The following RALB variants were observed in gnomAD, a reference collection of about 807,000 sequenced individuals.
The protein encoded by RALB is RAS like proto-oncogene B.
A neutral mutation model predicts 21.3 loss-of-function variants in RALB; 16 were observed. That is an observed-to-expected ratio of 0.75 (90% CI 0.51 to 1.14). RALB has a LOEUF of 1.14. Among genes scored for constraint, RALB ranks in the 50% most tolerant of loss-of-function variants. RALB has a pLI of 0.00. For synonymous variants in RALB, 93 were observed against 96.1 expected (o/e 0.97, Z 0.19); for missense variants, 161 against 256.2 (o/e 0.63, Z 2.54).
intron 1 of RALB, among the ~76,000 whole-genome samples, chr2:120,244,616 TCATCCATC>T (rs60555914): frequency 6.6e-6 from 1 of 151,942 alleles, no homozygotes; most frequent in Non-Finnish European, 1.5e-5. Context: ...AGCCATTCCC[TCATCCATC>T]CATCCATCCA....
chr2:120,266,844 C>G (rs1689516229), intron 1 of RALB, among the ~76,000 whole-genome samples: 1 of 152,198 alleles, frequency 6.6e-6, no homozygotes, highest in Non-Finnish European at 1.5e-5. Context: ...ACCAGGCACA[C>G]TGGGCACACA....
At chr2:120,278,330 T>A (rs1689897875) in intron 1 of RALB, among the ~76,000 whole-genome samples, 1 of 111,674 alleles carries the variant, frequency 9.0e-6, no homozygotes. Context: ...CTGCTGAGGG[T>A]CTGATGATTT....
chr2:120,268,508 G>C (rs1689560992), intron 1 of RALB, among the ~76,000 whole-genome samples: 1 of 152,188 alleles, frequency 6.6e-6, no homozygotes, highest in Admixed American at 6.5e-5. Flanking sequence ...CCGACCAGAT[G>C]CCATGGCTTA....
intron 1 of RALB, among the ~76,000 whole-genome samples, chr2:120,259,133 T>G (rs1279471337): frequency 6.6e-6 from 1 of 152,162 alleles, no homozygotes; most frequent in Non-Finnish European, 1.5e-5. Context: ...AAAAGCAGCG[T>G]GGACCCAAAG....
chr2:120,253,150 C>A (rs928870135), intron 1 of RALB, 170 bp downstream of exon 1: 4 of 379,992 alleles, frequency 1.1e-5, no homozygotes, highest in Non-Finnish European at 1.4e-5. Context: ...GCAGCGGCCC[C>A]GCTCCGCTCC....
upstream of RALB, among the ~76,000 whole-genome samples, chr2:120,248,494 A>G (rs2104569890): frequency 6.6e-6 from 1 of 152,070 alleles, no homozygotes; most frequent in East Asian, 1.9e-4. Flanking sequence ...AGCTCTCTTC[A>G]GCTCTCTTGC....
chr2:120,288,806 G>T (rs762889119), intron 3 of RALB, among the ~76,000 whole-genome samples: 7 of 151,946 alleles, frequency 4.6e-5, no homozygotes, highest in Admixed American at 4.6e-4. Flanking sequence ...TCACTTTGTA[G>T]TAGAAAAATG....
intron 1 of RALB, among the ~76,000 whole-genome samples, chr2:120,267,801 AT>A (rs555072307): frequency 6.6e-6 from 1 of 151,882 alleles, no homozygotes; most frequent in East Asian, 1.9e-4. Flanking sequence ...ATATATATAT[AT>A]TTTTTTCCAG....
chr2:120,242,836 G>T (rs566558671), intron 1 of RALB, among the ~76,000 whole-genome samples: 2 of 152,218 alleles, frequency 1.3e-5, no homozygotes. Flanking sequence ...AGCACTTTGG[G>T]AGGCCGAGGT....
intron 3 of RALB, among the ~76,000 whole-genome samples, chr2:120,289,000 G>A (rs1460620422): frequency 6.6e-6 from 1 of 152,068 alleles, no homozygotes; most frequent in African/African-American, 2.4e-5. Flanking sequence ...GATTCCCTTG[G>A]ATATTTCTGA....
At chr2:120,285,624 C>T (rs1415673235) in intron 2 of RALB, among the ~76,000 whole-genome samples, 1 of 152,074 alleles carries the variant, frequency 6.6e-6, no homozygotes, top group Non-Finnish European at 1.5e-5. Flanking sequence ...AAATTTTATA[C>T]TGACAATAAT....
intron 1 of RALB, among the ~76,000 whole-genome samples, chr2:120,277,952 TGAATGTGA>T (rs773174778): frequency 4.9e-4 from 71 of 146,176 alleles, no homozygotes; most frequent in Admixed American, 1.0e-3. Context: ...TGTGAATGTG[TGAATGTGA>T]GTGAATGTGT....
chr2:120,257,027 A>G (rs1689217144), intron 1 of RALB, among the ~76,000 whole-genome samples: 1 of 152,228 alleles, frequency 6.6e-6, no homozygotes. Flanking sequence ...TCTTTGTTAG[A>G]TGCTGGAATT....
At chr2:120,246,103 A>T (rs1307096380) in intron 1 of RALB, among the ~76,000 whole-genome samples, 1 of 152,058 alleles carries the variant, frequency 6.6e-6, no homozygotes, top group African/African-American at 2.4e-5. Context: ...AGATGCGGGG[A>T]AGGAATGGGG....
intron 1 of RALB, among the ~76,000 whole-genome samples, chr2:120,272,503 T>G (rs1353424051): frequency 1.3e-5 from 2 of 152,202 alleles, no homozygotes; most frequent in Non-Finnish European, 2.9e-5. Flanking sequence ...AGCAAAATGT[T>G]GATTGTAAAG....
At chr2:120,278,242 C>T (rs1558954093) in intron 1 of RALB, among the ~76,000 whole-genome samples, 1 of 152,134 alleles carries the variant, frequency 6.6e-6, no homozygotes, top group South Asian at 2.1e-4. Flanking sequence ...CCAAGCTGTT[C>T]TCCGCGGCAG....
intron 3 of RALB, among the ~76,000 whole-genome samples, chr2:120,288,847 A>G (rs997409583): frequency 3.3e-5 from 5 of 152,172 alleles, no homozygotes; most frequent in Admixed American, 1.3e-4. Flanking sequence ...ACTGCCTAAC[A>G]TATCTGTCTC....
intron 1 of RALB, among the ~76,000 whole-genome samples, chr2:120,262,913 C>G (rs1239520627): frequency 6.6e-6 from 1 of 152,140 alleles, no homozygotes; most frequent in Non-Finnish European, 1.5e-5. Flanking sequence ...CCACGTGTCC[C>G]TCTCCACTGC....
In RALB at chr2:120,289,602, G is replaced by C. The variant is rs1415101276; in HGVS notation, c.346G>C (p.Ala116Pro). Reference sequence around the variant, plus strand: ...TAGGGAACAGATTCTCCGTGTGAAGGCTGAAGAAGATAAAATTCCACTGCT... The same window carrying C: ...TAGGGAACAGATTCTCCGTGTGAAGCCTGAAGAAGATAAAATTCCACTGCT... ...EFREQILRVK[A>P]EEDKIPLLVV... The change falls in exon 4 of 5, where the codon GCT becomes CCT. Residue 116 changes from alanine to proline, a missense_variant. Transcript: ENST00000272519. 6 of 1,613,940 alleles carry C rather than the reference G, an allele frequency of 3.7e-6. No homozygotes were observed. The highest frequency in any genetic ancestry group is 5.1e-6 in the Non-Finnish European group (6 of 1,179,956).
Sources: allele counts gnomAD v4.1 joint callset (sites outside exome capture counted in the v4.1 genomes callset), GRCh38; gene constraint gnomAD v4.1.1; transcripts MANE v1.5; gene names NCBI Gene and HGNC (gene_info 2026-07-23, HGNC 2026-07-21).